PDE4B: variants seen among roughly 807,000 people sequenced by gnomAD.
PDE4B encodes the protein 3',5'-cyclic-AMP phosphodiesterase 4B.
Under a neutral mutation model 82.2 loss-of-function variants are expected in PDE4B, and 20 were observed. The observed-to-expected ratio is 0.24, with a 90% CI of 0.17 to 0.35. The LOEUF is 0.35. Ranked by LOEUF, PDE4B falls within the 10% of genes least tolerant of loss-of-function variation. The pLI is 1.00. For synonymous variants in PDE4B, 320 were observed against 318.9 expected (o/e 1.00, Z -0.04); for missense variants, 655 against 907.2 (o/e 0.72, Z 3.57).
chr1:66,015,090 A>G (rs908494344), intron 3 of PDE4B, among the ~76,000 whole-genome samples: 1 of 152,150 alleles, frequency 6.6e-6, no homozygotes, highest in African/African-American at 2.4e-5. Flanking sequence ...TTAACAACAG[A>G]ATGCTATTTT....
intron 3 of PDE4B, among the ~76,000 whole-genome samples, chr1:66,152,130 A>G (rs1003753242): frequency 1.3e-5 from 2 of 152,194 alleles, no homozygotes; most frequent in African/African-American, 4.8e-5. Context: ...TTATGTTTTG[A>G]TACATAATTA....
chr1:66,331,864 T>TAA lies in PDE4B; in HGVS notation c.635-642_635-641dup, dbSNP rs1466072727. 2.1e-5 allele frequency: 21 copies of TAA among 985,588 alleles called. No individual in the cohort carries two copies. In the African/African-American group the frequency reaches 3.7e-4, roughly 17 times the overall value. The allele number at this position is 985,588 out of a possible 1,614,324, so 61.1% of individuals were successfully genotyped here. ...AGGGAGACCTCATTTTCCCTCTAAT[T>TAA]AAAGGAAAGATTTAAGGGAGAGAAA... On this transcript the variant is annotated intron_variant, in intron 7 of 16. Coordinates refer to ENST00000341517, the MANE Select transcript of PDE4B (RefSeq NM_002600.4).
chr1:66,066,877 T>TA (rs1469932352), intron 3 of PDE4B, among the ~76,000 whole-genome samples: 3 of 151,994 alleles, frequency 2.0e-5, no homozygotes, highest in Non-Finnish European at 4.4e-5. Flanking sequence ...TTAGTTCTCA[T>TA]ATATGTAGAA....
intron 7 of PDE4B, among the ~76,000 whole-genome samples, chr1:66,304,003 G>T (rs535573489): frequency 1.3e-5 from 2 of 152,244 alleles, no homozygotes; most frequent in South Asian, 4.1e-4. Context: ...CATGCAGATA[G>T]AATATCGTAA....
intron 7 of PDE4B, among the ~76,000 whole-genome samples, chr1:66,267,979 G>C (rs1655177904): frequency 6.6e-6 from 1 of 152,200 alleles, no homozygotes; most frequent in African/African-American, 2.4e-5. Context: ...AAACAGAATT[G>C]AGAACTGGAG....
chr1:66,354,369 T>G, intron 8 of PDE4B: 1 of 985,734 alleles, frequency 1.0e-6, no homozygotes, highest in Middle Eastern at 5.2e-4. Flanking sequence ...TAAATATTCA[T>G]GGGGCTTCCT....
intron 2 of PDE4B, among the ~76,000 whole-genome samples, chr1:65,913,789 G>C (rs1361356870): frequency 6.6e-6 from 1 of 152,124 alleles, no homozygotes; most frequent in Non-Finnish European, 1.5e-5. Context: ...CATCCCCTAG[G>C]CCTTTGCTAC....
chr1:66,118,791 C>A (rs1200624090), intron 3 of PDE4B, among the ~76,000 whole-genome samples: 1 of 152,050 alleles, frequency 6.6e-6, no homozygotes, highest in East Asian at 1.9e-4. Flanking sequence ...TGAGTAAGTA[C>A]AGTCCTTCCT....
chr1:65,902,969 T>C (rs1646988476), intron 1 of PDE4B, among the ~76,000 whole-genome samples: 1 of 152,156 alleles, frequency 6.6e-6, no homozygotes, highest in South Asian at 2.1e-4. Context: ...ACTAGGTGAA[T>C]GACAGGTCAG....
chr1:65,930,720 G>C (rs1008528101), intron 3 of PDE4B, among the ~76,000 whole-genome samples: 1 of 152,214 alleles, frequency 6.6e-6, no homozygotes, highest in Admixed American at 6.5e-5. Context: ...TACCCCCATT[G>C]TATCTTGGAG....
intron 1 of PDE4B, among the ~76,000 whole-genome samples, chr1:65,824,363 C>T (rs1296830692): frequency 6.6e-6 from 1 of 151,868 alleles, no homozygotes; most frequent in Non-Finnish European, 1.5e-5. Flanking sequence ...TAAAAAAATT[C>T]TTAGTGATGA....
At chr1:66,262,541 A>C (rs1256019896) in intron 6 of PDE4B, among the ~76,000 whole-genome samples, 1 of 152,248 alleles carries the variant, frequency 6.6e-6, no homozygotes, top group African/African-American at 2.4e-5. Context: ...ATCTTCAGCA[A>C]TCAGCCACGT....
At chr1:66,361,217 C>T (rs565123125) in intron 9 of PDE4B, among the ~76,000 whole-genome samples, 1 of 152,064 alleles carries the variant, frequency 6.6e-6, no homozygotes, top group South Asian at 2.1e-4. Flanking sequence ...ATGTTAATCC[C>T]TTTATTTAAA....
rs529054254 is a variant in PDE4B, at chr1:65,904,289, G to A, written c.-70-8956G>A. On this transcript the variant is annotated intron_variant, in intron 1 of 16. Transcript: ENST00000341517. The stretch of plus-strand genomic sequence containing the variant: ...TGTGAATGAATGTCATGAGTCTTCT[G>A]TATTAACTTAAAAAAAATTTAGTAT... Among the ~76,000 whole-genome samples the A allele has an allele frequency of 1.4e-4, 21 of 152,188 alleles. No homozygotes were observed. The East Asian group carries it at 3.9e-3, about 28-fold the overall frequency.
intron 3 of PDE4B, among the ~76,000 whole-genome samples, chr1:66,121,345 T>C (rs764176294): frequency 1.9e-4 from 29 of 152,122 alleles, no homozygotes; most frequent in Admixed American, 4.6e-4. Flanking sequence ...AATATGAGCA[T>C]TGAGTAGGCA....
intron 3 of PDE4B, among the ~76,000 whole-genome samples, chr1:66,088,487 C>T (rs955661467): frequency 3.9e-5 from 6 of 152,008 alleles, no homozygotes; most frequent in African/African-American, 7.2e-5. Context: ...ATAACCTATT[C>T]GTACAGCTGC....
At chr1:66,066,834 T>G (rs1655876151) in intron 3 of PDE4B, among the ~76,000 whole-genome samples, 2 of 151,970 alleles carry the variant, frequency 1.3e-5, no homozygotes, top group Non-Finnish European at 2.9e-5. Flanking sequence ...ACTAGCGATG[T>G]GATTTTAGGT....
At chr1:65,869,464 G>A (rs1449472852) in intron 1 of PDE4B, among the ~76,000 whole-genome samples, 1 of 152,194 alleles carries the variant, frequency 6.6e-6, no homozygotes, top group African/African-American at 2.4e-5. Flanking sequence ...ATGTGTGTAT[G>A]TATCAGTGTG....
intron 1 of PDE4B, among the ~76,000 whole-genome samples, chr1:65,801,813 GT>G (rs1645697575): frequency 6.6e-6 from 1 of 152,138 alleles, no homozygotes; most frequent in African/African-American, 2.4e-5. Flanking sequence ...AGCAAAGTGG[GT>G]TTCCCTCTTT....
Sources: allele counts gnomAD v4.1 joint callset (sites outside exome capture counted in the v4.1 genomes callset), GRCh38; gene constraint gnomAD v4.1.1; transcripts MANE v1.5; gene names NCBI Gene and HGNC (gene_info 2026-07-23, HGNC 2026-07-21).